Variants in CADM2 observed in about 807,000 individuals in gnomAD.
CADM2 encodes the protein immunoglobulin superfamily member 4D.
In CADM2, 12 loss-of-function variants were observed where a neutral mutation model predicts 49.8. That is an observed-to-expected ratio of 0.24 (90% CI 0.15 to 0.39). The LOEUF (loss-of-function observed/expected upper bound fraction) is 0.39. Ranked by LOEUF, CADM2 falls within the 10% of genes least tolerant of loss-of-function variation. The pLI is 1.00. For synonymous variants in CADM2, 214 were observed against 175.4 expected (o/e 1.22, Z -1.74); for missense variants, 378 against 492.3 (o/e 0.77, Z 2.20).
At chr3:85,520,079 C>G (rs2060996401) in intron 1 of CADM2, among the ~76,000 whole-genome samples, 1 of 151,972 alleles carries the variant, frequency 6.6e-6, no homozygotes, top group Non-Finnish European at 1.5e-5. Context: ...TATGTTAATT[C>G]ATTTTAATTT....
intron 1 of CADM2, among the ~76,000 whole-genome samples, chr3:85,378,911 G>A (rs1330728116): frequency 6.6e-6 from 1 of 151,732 alleles, no homozygotes; most frequent in Non-Finnish European, 1.5e-5. Context: ...AAAATAAAGT[G>A]ACAAAAACCC....
At chr3:85,440,032 A>T (rs531942628) in intron 1 of CADM2, among the ~76,000 whole-genome samples, 62 of 152,312 alleles carry the variant, frequency 4.1e-4, no homozygotes, top group African/African-American at 1.5e-3. Flanking sequence ...AATATATTTT[A>T]GATTAAAGGG....
chr3:86,056,576 A>C (rs1738016914), intron 8 of CADM2, among the ~76,000 whole-genome samples: 1 of 152,222 alleles, frequency 6.6e-6, no homozygotes, highest in Admixed American at 6.5e-5. Context: ...AGATCAGATC[A>C]CGAAATGGGA....
At chr3:85,365,337 T>A (rs2032691977) in intron 1 of CADM2, among the ~76,000 whole-genome samples, 1 of 151,996 alleles carries the variant, frequency 6.6e-6, no homozygotes, top group South Asian at 2.1e-4. Flanking sequence ...AGTTAATGTG[T>A]GCATCTATGA....
chr3:85,725,750 T>G (rs899983719), intron 1 of CADM2, among the ~76,000 whole-genome samples: 1 of 152,024 alleles, frequency 6.6e-6, no homozygotes, highest in Non-Finnish European at 1.5e-5. Context: ...GTAATACAGT[T>G]TTCTAGTCTC....
At chr3:85,977,018 A>C (rs1726869607) in intron 8 of CADM2, among the ~76,000 whole-genome samples, 1 of 151,348 alleles carries the variant, frequency 6.6e-6, no homozygotes, top group Admixed American at 6.6e-5. Flanking sequence ...TGCTCCTAGT[A>C]CTTGAAAATA....
chr3:85,684,746 C>T (rs2066151798), intron 1 of CADM2, among the ~76,000 whole-genome samples: 2 of 152,142 alleles, frequency 1.3e-5, no homozygotes, highest in South Asian at 4.1e-4. Flanking sequence ...AAATCATCAG[C>T]TCTCATGAGA....
chr3:85,660,221 G>A (rs1272888443), intron 1 of CADM2, among the ~76,000 whole-genome samples: 1 of 152,044 alleles, frequency 6.6e-6, no homozygotes, highest in African/African-American at 2.4e-5. Flanking sequence ...GTTCGTTGAG[G>A]TCTTACTTCA....
intron 1 of CADM2, among the ~76,000 whole-genome samples, chr3:85,191,087 A>T (rs2107724606): frequency 6.6e-6 from 1 of 152,208 alleles, no homozygotes; most frequent in African/African-American, 2.4e-5. Flanking sequence ...AATATATTAA[A>T]TAAATAGAAG....
chr3:86,041,038 T>C (rs1357311682), intron 8 of CADM2, among the ~76,000 whole-genome samples: 2 of 152,106 alleles, frequency 1.3e-5, no homozygotes, highest in Non-Finnish European at 2.9e-5. Context: ...TGCTGAGAGA[T>C]TTTGTCACCA....
Position 86,069,776 on chromosome 3 carries a change from A to G in CADM2, c.*2993A>G, listed in dbSNP as rs1739684010. ...GCTATTCTCTGCCAGTGTACTGTTT[A>G]CAGTGTAAATTGATTGTCCTCCGTC... On this transcript the variant is annotated 3_prime_UTR_variant, in exon 10 of 10. Coordinates refer to ENST00000383699, the MANE Select transcript of CADM2 (RefSeq NM_001167675.2). The G allele has an allele frequency of 6.6e-6, 1 of 152,032 alleles. No individual in the cohort carries two copies. Among genetic ancestry groups the G allele is most frequent in the Non-Finnish European group, 1.5e-5 (1 of 67,892 alleles). 9.4% of individuals were successfully genotyped at this position (152,032 alleles called of 1,614,324 possible).
intron 1 of CADM2, among the ~76,000 whole-genome samples, chr3:85,303,778 T>A (rs2089637662): frequency 6.6e-6 from 1 of 151,960 alleles, no homozygotes; most frequent in South Asian, 2.1e-4. Flanking sequence ...TATTGTATGT[T>A]GTTTGCCAAA....
At chr3:85,267,236 G>A (rs982976144) in intron 1 of CADM2, among the ~76,000 whole-genome samples, 4 of 151,744 alleles carry the variant, frequency 2.6e-5, no homozygotes, top group African/African-American at 9.7e-5. Context: ...TGAGTAAAAT[G>A]TGAGACCTTT....
At chr3:85,490,394 A>T (rs1427375158) in intron 1 of CADM2, among the ~76,000 whole-genome samples, 1 of 151,624 alleles carries the variant, frequency 6.6e-6, no homozygotes, top group Non-Finnish European at 1.5e-5. Context: ...CATGAGTCAA[A>T]AAAAAAAAGT....
chr3:85,959,071 T>A lies in CADM2; in HGVS notation c.792-2398T>A, dbSNP rs1471703054. Among the ~76,000 whole-genome samples, 5 of 151,284 alleles carry A rather than the reference T, an allele frequency of 3.3e-5. No individual in the cohort carries two copies. The Admixed American group carries it at 3.3e-4, about 10-fold the overall frequency. The stretch of plus-strand genomic sequence containing the variant: ...ATATCTATATATCTATATCTATATA[T>A]CTATATAGCTATATCTATATCTTTA... On this transcript the variant is annotated intron_variant, in intron 7 of 9. Coordinates refer to ENST00000383699, the MANE Select transcript of CADM2 (RefSeq NM_001167675.2).
At chr3:85,791,399 G>A (rs2071313715) in intron 2 of CADM2, among the ~76,000 whole-genome samples, 1 of 151,978 alleles carries the variant, frequency 6.6e-6, no homozygotes, top group African/African-American at 2.4e-5. Context: ...TGTGCATTTA[G>A]ATATATTTTT....
intron 1 of CADM2, among the ~76,000 whole-genome samples, chr3:84,976,548 A>C (rs1001605745): frequency 1.3e-5 from 2 of 151,762 alleles, no homozygotes; most frequent in African/African-American, 2.4e-5. Context: ...AAAACCACTT[A>C]TATTTGGTGA....
At chr3:85,519,819 C>T (rs532469474) in intron 1 of CADM2, among the ~76,000 whole-genome samples, 1 of 152,082 alleles carries the variant, frequency 6.6e-6, no homozygotes, top group East Asian at 1.9e-4. Context: ...GTTCCTGGTA[C>T]TATTTTAAAT....
intron 1 of CADM2, among the ~76,000 whole-genome samples, chr3:85,706,118 T>A (rs1387524137): frequency 1.3e-5 from 2 of 152,216 alleles, no homozygotes; most frequent in Admixed American, 6.5e-5. Flanking sequence ...TCAGATAATC[T>A]TCCATCTCAA....
Sources: allele counts gnomAD v4.1 joint callset (sites outside exome capture counted in the v4.1 genomes callset), GRCh38; gene constraint gnomAD v4.1.1; transcripts MANE v1.5; gene names NCBI Gene and HGNC (gene_info 2026-07-23, HGNC 2026-07-21).